Variants in CDYL observed in about 807,000 individuals in gnomAD.
CDYL encodes the protein chromodomain Y like, also known as chromodomain Y-like protein.
A neutral mutation model predicts 47.3 loss-of-function variants in CDYL; 8 were observed. The ratio of observed to expected loss-of-function variants is 0.17; its 90% CI spans 0.10 to 0.31. The LOEUF is 0.31. Ranked by LOEUF, CDYL falls within the 10% of genes least tolerant of loss-of-function variation. The probability of loss-of-function intolerance (pLI) is 1.00; values close to 1 mark genes in which losing one functional copy is unlikely to be tolerated. For synonymous variants in CDYL, 266 were observed against 265.0 expected, an observed-to-expected ratio of 1.00 and a Z score of -0.04; for missense variants, 471 against 701.4, an observed-to-expected ratio of 0.67 and a Z score of 3.71.
At chr6:4,843,437 T>G (rs903190155) in intron 1 of CDYL, among the ~76,000 whole-genome samples, 2 of 151,746 alleles carry the variant, frequency 1.3e-5, no homozygotes, top group African/African-American at 4.8e-5. Flanking sequence ...AGATTTCTCT[T>G]CTTCCTCAGT....
At chr6:4,819,947 G>T (rs1184721932) in intron 1 of CDYL, among the ~76,000 whole-genome samples, 2 of 152,206 alleles carry the variant, frequency 1.3e-5, no homozygotes. Context: ...AGATACTGGT[G>T]GTGGAGTGGA....
intron 2 of CDYL, among the ~76,000 whole-genome samples, chr6:4,718,911 GGTTTT>G (rs1757319768): frequency 9.8e-6 from 1 of 101,884 alleles, no homozygotes; most frequent in African/African-American, 5.1e-5. Context: ...TATTTCCACT[GGTTTT>G]TTTTTTTCTT....
At chr6:4,924,543 G>A (rs1253359964) in intron 2 of CDYL, among the ~76,000 whole-genome samples, 1 of 152,166 alleles carries the variant, frequency 6.6e-6, no homozygotes, top group Non-Finnish European at 1.5e-5. Flanking sequence ...TTCTCTGAAT[G>A]TGGTCTTTGG....
At chr6:4,715,273 CAT>C (rs749430382) in intron 1 of CDYL, among the ~76,000 whole-genome samples, 2 of 151,012 alleles carry the variant, frequency 1.3e-5, no homozygotes, top group African/African-American at 4.9e-5. Flanking sequence ...CTGTAGACCA[CAT>C]GAGGACAAGA....
chr6:4,814,630 A>G (rs1759619303), intron 1 of CDYL, among the ~76,000 whole-genome samples: 4 of 152,236 alleles, frequency 2.6e-5, no homozygotes, highest in South Asian at 2.1e-4. Flanking sequence ...GGTTCAAGCA[A>G]TTCTCGTGCC....
intron 1 of CDYL, among the ~76,000 whole-genome samples, chr6:4,875,178 A>G (rs1360406453): frequency 6.6e-6 from 1 of 152,184 alleles, no homozygotes; most frequent in East Asian, 1.9e-4. Context: ...CCTGCATCCT[A>G]GCAGCACTGA....
chr6:4,933,613 G>A (rs78976186), intron 2 of CDYL, among the ~76,000 whole-genome samples: 22 of 152,298 alleles, frequency 1.4e-4, no homozygotes, highest in East Asian at 9.7e-4. Flanking sequence ...ATTGTCAAAC[G>A]TTTTTAAACA....
chr6:4,937,507 G>GT (rs1758234143), intron 3 of CDYL, 58 bp from the exon 4 acceptor site: 20 of 1,308,026 alleles, frequency 1.5e-5, no homozygotes, highest in Admixed American at 7.3e-5. Flanking sequence ...AAAAAAAAAT[G>GT]CTTTAAGATT....
At chr6:4,804,631 G>A (rs750037488) in intron 1 of CDYL, among the ~76,000 whole-genome samples, 1 of 152,064 alleles carries the variant, frequency 6.6e-6, no homozygotes, top group Non-Finnish European at 1.5e-5. Flanking sequence ...AATGGCCCTC[G>A]CTCTGCGGTT....
intron 2 of CDYL, among the ~76,000 whole-genome samples, chr6:4,719,298 GTC>G: frequency 6.6e-6 from 1 of 152,294 alleles, no homozygotes; most frequent in East Asian, 1.9e-4. Context: ...GTATCTGGGT[GTC>G]TCTCCTTACT....
At chr6:4,725,439 C>G (rs1176868662) in intron 2 of CDYL, among the ~76,000 whole-genome samples, 1 of 152,230 alleles carries the variant, frequency 6.6e-6, no homozygotes, top group Non-Finnish European at 1.5e-5. Context: ...TGGGGAGGCT[C>G]AGGCATGGCG....
intron 2 of CDYL, chr6:4,734,658 G>A (rs1757669493): frequency 1.8e-5 from 26 of 1,477,958 alleles, no homozygotes; most frequent in East Asian, 2.3e-5. Flanking sequence ...AGGAAGGGGA[G>A]GGCACAGGGA....
intron 2 of CDYL, among the ~76,000 whole-genome samples, chr6:4,725,600 C>T (rs1339980783): frequency 6.6e-6 from 1 of 152,220 alleles, no homozygotes; most frequent in Non-Finnish European, 1.5e-5. Context: ...GGCTTGCGGG[C>T]GGACCTGCCC....
chr6:4,896,212 C>G (rs555065162), intron 2 of CDYL, among the ~76,000 whole-genome samples: 2 of 152,244 alleles, frequency 1.3e-5, no homozygotes, highest in Non-Finnish European at 1.5e-5. Flanking sequence ...AGGAGGAAGT[C>G]TTTCTGGAAG....
At position 4,888,567 on chromosome 6, in the gene CDYL, A is replaced by AT. The variant is rs201919268; in HGVS notation, c.25-3139dup. Among the ~76,000 whole-genome samples, 891 of 152,114 alleles carry AT rather than the reference A, an allele frequency of 5.9e-3. 7 individuals carry two copies. The highest frequency in any genetic ancestry group is 0.02 in the African/African-American group (846 of 41,500). ...AAGTAAAAGTTTGTCAATTTTGTTA[A>AT]TTTTTTTAAAAGAAACTTTTGGTTG... On this transcript the variant is annotated intron_variant, in intron 1 of 6. Transcript: ENST00000397588.
chr6:4,878,607 A>G (rs1229028767), intron 1 of CDYL, among the ~76,000 whole-genome samples: 2 of 151,984 alleles, frequency 1.3e-5, no homozygotes, highest in Non-Finnish European at 1.5e-5. Flanking sequence ...TGTTATTTTA[A>G]TGTCTGTAGG....
At chr6:4,713,190 C>T (rs114096508) in intron 1 of CDYL, among the ~76,000 whole-genome samples, 1,822 of 152,264 alleles carry the variant, frequency 0.012, 45 homozygotes, top group African/African-American at 0.042. Context: ...TAAGTGAGGG[C>T]TCCAATCACA....
At position 4,831,550 on chromosome 6, in the gene CDYL, T is replaced by C. The variant is rs889339612; in HGVS notation, c.24+54743T>C. On this transcript the variant is annotated intron_variant, in intron 1 of 6. Coordinates refer to ENST00000397588, the MANE Select transcript of CDYL (RefSeq NM_004824.4). Reference sequence around the variant, plus strand: ...TTTGTTCTTTTGGCTTAGGAATGACTTGGCGATGCGGGCTCTTTTTTGGTT... The same window carrying C: ...TTTGTTCTTTTGGCTTAGGAATGACCTGGCGATGCGGGCTCTTTTTTGGTT... Among the ~76,000 whole-genome samples the C allele has an allele frequency of 4.6e-5, 7 of 152,302 alleles. 2 individuals carry two copies. The highest frequency in any genetic ancestry group is 1.7e-4 in the African/African-American group (7 of 41,524).
intron 1 of CDYL, among the ~76,000 whole-genome samples, chr6:4,819,148 C>G (rs1220062376): frequency 2.8e-5 from 4 of 142,020 alleles, no homozygotes; most frequent in African/African-American, 1.1e-4. Flanking sequence ...CTCTCTCTCT[C>G]TCTCTCTCTC....
Sources: gnomAD v4.1 joint callset for allele counts (sites outside exome capture counted in the v4.1 genomes callset) on GRCh38, gnomAD v4.1.1 for gene constraint, MANE v1.5 for transcripts, NCBI Gene and HGNC (gene_info 2026-07-23, HGNC 2026-07-21) for gene names.